MAST2: variants seen among roughly 807,000 people sequenced by gnomAD.
The protein encoded by MAST2 is microtubule associated serine/threonine kinase 2, also known as microtubule-associated serine/threonine-protein kinase 2.
MAST2 carries 70 observed loss-of-function variants against 147.4 expected under a neutral mutation model. The observed-to-expected ratio is 0.47, with a 90% CI of 0.39 to 0.58. The LOEUF (loss-of-function observed/expected upper bound fraction) is 0.58. Among genes scored for constraint, MAST2 ranks in the 20% least tolerant of loss-of-function variants. MAST2 has a pLI of 0.00. For synonymous variants in MAST2, 869 were observed against 896.8 expected (o/e 0.97, Z 0.55); for missense variants, 2,080 against 2,302.3 (o/e 0.90, Z 1.98).
At chr1:46,018,951 T>G (rs1318305740) in intron 10 of MAST2, among the ~76,000 whole-genome samples, 1 of 152,208 alleles carries the variant, frequency 6.6e-6, no homozygotes, top group Admixed American at 6.5e-5. Flanking sequence ...CCTAAATGGC[T>G]TCTTATAGTT....
intron 4 of MAST2, among the ~76,000 whole-genome samples, chr1:45,908,926 A>C (rs543308142): frequency 6.6e-6 from 1 of 152,260 alleles, no homozygotes; most frequent in African/African-American, 2.4e-5. Flanking sequence ...CCTGAAAACT[A>C]TTACATTGTA....
chr1:45,939,850 A>G (rs955578661), intron 4 of MAST2, among the ~76,000 whole-genome samples: 11 of 151,862 alleles, frequency 7.2e-5, no homozygotes, highest in African/African-American at 2.2e-4. Flanking sequence ...CAATTTTTCA[A>G]TTTCTACAAA....
At chr1:45,994,513 C>T (rs1401982199) in intron 5 of MAST2, among the ~76,000 whole-genome samples, 1 of 151,968 alleles carries the variant, frequency 6.6e-6, no homozygotes, top group Non-Finnish European at 1.5e-5. Context: ...CCTTGAACCC[C>T]TAACCTCAGG....
intron 4 of MAST2, among the ~76,000 whole-genome samples, chr1:45,910,806 G>T (rs1343882344): frequency 2.0e-5 from 3 of 152,176 alleles, no homozygotes; most frequent in Admixed American, 2.0e-4. Flanking sequence ...ATAATCTCAG[G>T]CAGAGTTCTC....
intron 3 of MAST2, among the ~76,000 whole-genome samples, chr1:45,830,855 C>T (rs1570274568): frequency 6.6e-6 from 1 of 151,232 alleles, no homozygotes; most frequent in African/African-American, 2.4e-5. Flanking sequence ...GAGACCTTGT[C>T]TATACAAATA....
At chr1:45,854,127 T>A (rs1244870911) in intron 3 of MAST2, among the ~76,000 whole-genome samples, 1 of 152,004 alleles carries the variant, frequency 6.6e-6, no homozygotes, top group Admixed American at 6.6e-5. Flanking sequence ...TCACCTGAGG[T>A]CAGGAGTTCG....
chr1:45,928,740 T>A (rs1238810661), intron 4 of MAST2, among the ~76,000 whole-genome samples: 3 of 152,058 alleles, frequency 2.0e-5, no homozygotes, highest in Non-Finnish European at 4.4e-5. Context: ...ACCAGAAGCC[T>A]GGCTAATTTT....
At chr1:45,940,758 T>C (rs1192767852) in intron 4 of MAST2, among the ~76,000 whole-genome samples, 2 of 152,044 alleles carry the variant, frequency 1.3e-5, no homozygotes, top group African/African-American at 4.8e-5. Context: ...TAGCTGGGAC[T>C]ACAGGCACCT....
intron 1 of MAST2, among the ~76,000 whole-genome samples, chr1:45,807,544 ATT>A (rs759534881): frequency 1.1e-4 from 15 of 140,662 alleles, no homozygotes; most frequent in Admixed American, 2.8e-4. Flanking sequence ...AACATTTGTG[ATT>A]TTTTTTTTTT....
intron 10 of MAST2, 120 bp downstream of exon 10, chr1:46,011,059 C>A: frequency 2.5e-6 from 2 of 807,520 alleles, no homozygotes; most frequent in Non-Finnish European, 3.9e-6. Context: ...TGTTACCCAC[C>A]CTCAAAGGTA....
chr1:46,031,514 G>A lies in MAST2; in HGVS notation c.3116G>A (p.Arg1039His), dbSNP rs1211896667. The change falls in exon 24 of 29, where the codon CGC becomes CAC. Residue 1039 changes from arginine (R) to histidine (H), a missense_variant. This residue lies in a region of MAST2 where 1,278 missense variants were observed against 1,304.2 expected (regional missense o/e 0.98). Coordinates refer to ENST00000361297, the MANE Select transcript of MAST2 (RefSeq NM_015112.3). The surrounding 1 kb of genome is among the most constrained non-coding windows in gnomAD (Gnocchi z 4.1). ...CTCTCTGGGGACTCAACAGAGAAGC[G>A]CACTGCTCGCCCTGTCAACAAAGTG... ...RLLSGDSTEK[R>H]TARPVNKVIK... is the part of the protein sequence containing the mutation. 14 of 1,614,024 alleles carry A rather than the reference G, an allele frequency of 8.7e-6. No individual in the cohort carries two copies. The highest frequency in any genetic ancestry group is 4.5e-5 in the East Asian group (2 of 44,892).
intron 10 of MAST2, among the ~76,000 whole-genome samples, chr1:46,017,020 G>A (rs1409540168): frequency 4.0e-5 from 6 of 151,658 alleles, no homozygotes; most frequent in Admixed American, 6.6e-5. Flanking sequence ...AAATAACGCT[G>A]CATATCTACA....
chr1:45,834,798 G>A (rs1457691371), intron 3 of MAST2, among the ~76,000 whole-genome samples: 2 of 152,066 alleles, frequency 1.3e-5, no homozygotes, highest in African/African-American at 4.8e-5. Flanking sequence ...TCCTGAGTAT[G>A]TTAACTAGTA....
intron 3 of MAST2, among the ~76,000 whole-genome samples, chr1:45,840,191 G>A (rs908872861): frequency 6.6e-6 from 1 of 152,168 alleles, no homozygotes; most frequent in African/African-American, 2.4e-5. Context: ...CTACAAGGGG[G>A]TGGAATGATG....
intron 9 of MAST2, 151 bp from the exon 10 acceptor site, chr1:46,010,579 A>T: frequency 1.3e-5 from 8 of 634,836 alleles, no homozygotes; most frequent in Non-Finnish European, 2.2e-5. Context: ...TGATCTATTA[A>T]TGTCTTCAGT....
At chr1:45,876,868 G>A (rs906720717) in intron 3 of MAST2, among the ~76,000 whole-genome samples, 1 of 152,152 alleles carries the variant, frequency 6.6e-6, no homozygotes, top group Non-Finnish European at 1.5e-5. Context: ...GGGCATATAT[G>A]CATTTTAGGA....
chr1:46,032,084 G>A, intron 24 of MAST2, 94 bp from the exon 25 acceptor site: 1 of 970,352 alleles, frequency 1.0e-6, no homozygotes, highest in Non-Finnish European at 1.6e-6. Flanking sequence ...CTCAGGCTCT[G>A]TCTGTGACTA....
intron 5 of MAST2, among the ~76,000 whole-genome samples, chr1:45,992,904 G>A (rs1326677551): frequency 6.6e-6 from 1 of 151,800 alleles, no homozygotes; most frequent in South Asian, 2.1e-4. Context: ...TTCCATTTAT[G>A]TCCTTTATTG....
At chr1:45,963,957 G>A (rs1335847228) in intron 5 of MAST2, among the ~76,000 whole-genome samples, 1 of 152,194 alleles carries the variant, frequency 6.6e-6, no homozygotes, top group Non-Finnish European at 1.5e-5. Context: ...GGCCTTTTCT[G>A]CATCTATTGA....
Sources: gnomAD v4.1 joint callset for allele counts (sites outside exome capture counted in the v4.1 genomes callset) on GRCh38, gnomAD v4.1.1 for gene constraint, gnomAD v4.1.1 regional missense constraint, Gnocchi (gnomAD v3.1) non-coding constraint, MANE v1.5 for transcripts, NCBI Gene and HGNC (gene_info 2026-07-23, HGNC 2026-07-21) for gene names.